Variants in GPR158 observed in about 807,000 individuals in gnomAD.
The protein encoded by GPR158 is G protein-coupled receptor 158.
Under a neutral mutation model 78.2 loss-of-function variants are expected in GPR158, and 30 were observed. The ratio of observed to expected loss-of-function variants is 0.38; its 90% confidence interval spans 0.29 to 0.52. GPR158 has a LOEUF of 0.52. GPR158 is among the 20% of genes least tolerant of loss of function. The pLI is 0.83. For missense variants in GPR158, 1,463 were observed against 1,523.5 expected (o/e 0.96, Z 0.66); for synonymous variants, 581 against 591.1 (o/e 0.98, Z 0.25).
intron 4 of GPR158, among the ~76,000 whole-genome samples, chr10:25,450,015 C>A (rs1311268658): frequency 6.3e-5 from 8 of 126,746 alleles, no homozygotes; most frequent in African/African-American, 1.2e-4. Flanking sequence ...AAAAAAAAAA[C>A]CTCCTCCCTG....
chr10:25,430,549 G>A (rs1462900517), intron 4 of GPR158, among the ~76,000 whole-genome samples: 2 of 150,352 alleles, frequency 1.3e-5, no homozygotes, highest in Admixed American at 6.7e-5. Context: ...AGCCTGCATC[G>A]CCAAGTCAAT....
intron 2 of GPR158, among the ~76,000 whole-genome samples, chr10:25,288,514 C>G (rs1464521142): frequency 6.6e-6 from 1 of 152,146 alleles, no homozygotes; most frequent in Non-Finnish European, 1.5e-5. Flanking sequence ...TGCTCTAAAT[C>G]TAGAGATTCA....
chr10:25,488,948 A>T (rs1255443435), intron 5 of GPR158, among the ~76,000 whole-genome samples: 1 of 152,126 alleles, frequency 6.6e-6, no homozygotes, highest in Non-Finnish European at 1.5e-5. Context: ...AAGGGAAAAA[A>T]ACTATGATTT....
chr10:25,365,170 G>T (rs146031852), intron 2 of GPR158, among the ~76,000 whole-genome samples: 1 of 151,602 alleles, frequency 6.6e-6, no homozygotes, highest in African/African-American at 2.4e-5. Flanking sequence ...AAGATAAATT[G>T]TTAAAAATTT....
At chr10:25,539,721 T>C (rs1380445974) in intron 5 of GPR158, among the ~76,000 whole-genome samples, 1 of 152,110 alleles carries the variant, frequency 6.6e-6, no homozygotes, top group East Asian at 1.9e-4. Context: ...AATATTAAGT[T>C]CTAGACCATG....
At chr10:25,327,952 C>T (rs1350867014) in intron 2 of GPR158, among the ~76,000 whole-genome samples, 5 of 152,116 alleles carry the variant, frequency 3.3e-5, no homozygotes, top group African/African-American at 7.2e-5. Context: ...GACCCTATTC[C>T]TCTAGCTTAA....
intron 4 of GPR158, among the ~76,000 whole-genome samples, chr10:25,457,065 C>T (rs148925776): frequency 0.065 from 9,681 of 150,028 alleles, 930 homozygotes; most frequent in African/African-American, 0.21. Context: ...CTCAGCTTCC[C>T]GGGTTCAAGC....
chr10:25,206,692 T>G (rs1452579558), intron 1 of GPR158, among the ~76,000 whole-genome samples: 1 of 152,264 alleles, frequency 6.6e-6, no homozygotes, highest in South Asian at 2.1e-4. Flanking sequence ...TTAAATATAC[T>G]TCTGTAGCAC....
intron 2 of GPR158, among the ~76,000 whole-genome samples, chr10:25,240,579 T>G (rs749892549): frequency 3.3e-5 from 5 of 152,124 alleles, no homozygotes; most frequent in Non-Finnish European, 5.9e-5. Flanking sequence ...TGATTAGAAA[T>G]GATAAGGAAA....
intron 2 of GPR158, among the ~76,000 whole-genome samples, chr10:25,332,264 T>C (rs1157471547): frequency 2.0e-5 from 3 of 152,208 alleles, no homozygotes; most frequent in African/African-American, 4.8e-5. Context: ...GCTATGAAAC[T>C]AATTTTGGCA....
At chr10:25,381,979 A>G (rs1163003152) in intron 2 of GPR158, among the ~76,000 whole-genome samples, 1 of 152,178 alleles carries the variant, frequency 6.6e-6, no homozygotes, top group Non-Finnish European at 1.5e-5. Flanking sequence ...GCCTCAGCAA[A>G]TAATGCACAA....
intron 1 of GPR158, among the ~76,000 whole-genome samples, chr10:25,206,457 T>C (rs959166221): frequency 1.2e-4 from 19 of 152,170 alleles, no homozygotes; most frequent in Non-Finnish European, 2.1e-4. Flanking sequence ...TTTAACTTTT[T>C]TCTATTATAA....
chr10:25,362,340 C>T (rs1269803558), intron 2 of GPR158, among the ~76,000 whole-genome samples: 2 of 151,854 alleles, frequency 1.3e-5, no homozygotes, highest in Non-Finnish European at 2.9e-5. Context: ...CAGTACTACA[C>T]TGGTTTTATT....
chr10:25,244,239 A>G (rs1273848009), intron 2 of GPR158: 1 of 152,180 alleles, frequency 6.6e-6, no homozygotes. Flanking sequence ...TCCTTCATGT[A>G]TTCAGTAGCT....
At chr10:25,329,382 G>A (rs1030679223) in intron 2 of GPR158, among the ~76,000 whole-genome samples, 7 of 151,800 alleles carry the variant, frequency 4.6e-5, no homozygotes, top group African/African-American at 1.7e-4. Context: ...GGAGCTTGCA[G>A]TGAGCGGAGA....
intron 5 of GPR158, among the ~76,000 whole-genome samples, chr10:25,521,206 C>A (rs995810799): frequency 6.6e-6 from 1 of 152,238 alleles, no homozygotes; most frequent in Non-Finnish European, 1.5e-5. Context: ...TGAGGCAATG[C>A]CTCGCCCTGC....
intron 4 of GPR158, among the ~76,000 whole-genome samples, chr10:25,458,000 TAATG>T (rs1436609713): frequency 1.1e-4 from 17 of 152,260 alleles, no homozygotes; most frequent in Admixed American, 1.1e-3. Flanking sequence ...TCATAATTAA[TAATG>T]AATGACTTGT....
chr10:25,255,770 A>G (rs1853881742), intron 2 of GPR158, among the ~76,000 whole-genome samples: 1 of 152,238 alleles, frequency 6.6e-6, no homozygotes, highest in Admixed American at 6.5e-5. Flanking sequence ...TGATTAAGTT[A>G]GGCCATCCAG....
At chr10:25,239,761 C>G (rs1157895061) in intron 2 of GPR158, among the ~76,000 whole-genome samples, 1 of 152,154 alleles carries the variant, frequency 6.6e-6, no homozygotes, top group Non-Finnish European at 1.5e-5. Context: ...ATAGGCTAGT[C>G]TATTGGTATC....
Sources: gnomAD v4.1 joint callset for allele counts (sites outside exome capture counted in the v4.1 genomes callset) on GRCh38, gnomAD v4.1.1 for gene constraint, MANE v1.5 for transcripts, NCBI Gene and HGNC (gene_info 2026-07-23, HGNC 2026-07-21) for gene names.